Variants in ADAMTSL3 observed in about 807,000 individuals in gnomAD.
The protein encoded by ADAMTSL3 is ADAMTS-like protein 3.
In ADAMTSL3, 128 loss-of-function variants were observed where a neutral mutation model predicts 201.7. The ratio of observed to expected loss-of-function variants is 0.63; its 90% CI spans 0.55 to 0.73. ADAMTSL3 has a LOEUF of 0.73. ADAMTSL3 is among the 30% of genes least tolerant of loss of function. ADAMTSL3 has a pLI of 0.00. For synonymous variants in ADAMTSL3, 738 were observed against 748.4 expected (o/e 0.99, Z 0.23); for missense variants, 1,990 against 2,119.6 (o/e 0.94, Z 1.20).
At chr15:83,997,084 C>G (rs1189561845) in intron 23 of ADAMTSL3, among the ~76,000 whole-genome samples, 1 of 152,120 alleles carries the variant, frequency 6.6e-6, no homozygotes, top group Non-Finnish European at 1.5e-5. Flanking sequence ...CTGATCAAGT[C>G]AAAGATGCTC....
chr15:83,677,217 C>T (rs1361902707), intron 2 of ADAMTSL3, among the ~76,000 whole-genome samples: 1 of 151,674 alleles, frequency 6.6e-6, no homozygotes, highest in African/African-American at 2.4e-5. Context: ...GTGAATGTTC[C>T]ATGGGCACTC....
At chr15:83,844,142 C>A (rs1335702135) in intron 7 of ADAMTSL3, among the ~76,000 whole-genome samples, 1 of 152,176 alleles carries the variant, frequency 6.6e-6, no homozygotes, top group Non-Finnish European at 1.5e-5. Flanking sequence ...CTATTCTAAG[C>A]TTTTTGTCCA....
intron 4 of ADAMTSL3, among the ~76,000 whole-genome samples, chr15:83,778,201 G>T (rs2063112449): frequency 6.6e-6 from 1 of 152,114 alleles, no homozygotes; most frequent in Non-Finnish European, 1.5e-5. Context: ...CATGTTTCAG[G>T]ATATCATCCA....
rs370795084 is a variant in ADAMTSL3 at position 84,031,328 on chromosome 15, G to A, written c.4657-7G>A. 1.2e-5 allele frequency: 19 copies of A among 1,612,638 alleles called. No homozygotes were observed. Among genetic ancestry groups the A allele is most frequent in the Non-Finnish European group, 1.4e-5 (17 of 1,179,594 alleles). ...GATTTACACTGCACTGTGCTTTTTT[G>A]TTCCAGTGTCCTGGACGTTGCATGG... On this transcript the variant is annotated splice_region_variant and splice_polypyrimidine_tract_variant and intron_variant, in intron 27 of 29. Transcript: ENST00000286744.
At chr15:84,019,752 C>T (rs778886271) in intron 25 of ADAMTSL3, among the ~76,000 whole-genome samples, 12 of 151,834 alleles carry the variant, frequency 7.9e-5, no homozygotes, top group Admixed American at 4.6e-4. Flanking sequence ...ATGAGCCCGG[C>T]GCGGTGGTGC....
At chr15:83,935,640 C>A (rs2142017394) in intron 17 of ADAMTSL3, among the ~76,000 whole-genome samples, 1 of 151,966 alleles carries the variant, frequency 6.6e-6, no homozygotes, top group African/African-American at 2.4e-5. Context: ...AGAAAAGATC[C>A]AGGAAAGGAA....
intron 2 of ADAMTSL3, among the ~76,000 whole-genome samples, chr15:83,692,122 C>A (rs2061616757): frequency 6.7e-6 from 1 of 150,164 alleles, no homozygotes; most frequent in Non-Finnish European, 1.5e-5. Context: ...TTTCTTTTAA[C>A]AAAAGATAGT....
At chr15:83,687,531 C>G (rs1192085743) in intron 2 of ADAMTSL3, among the ~76,000 whole-genome samples, 1 of 152,064 alleles carries the variant, frequency 6.6e-6, no homozygotes, top group African/African-American at 2.4e-5. Flanking sequence ...CTATCTTGTT[C>G]CTTCCATCAC....
chr15:83,851,174 A>C (rs983960622), intron 7 of ADAMTSL3, among the ~76,000 whole-genome samples: 1 of 152,222 alleles, frequency 6.6e-6, no homozygotes, highest in African/African-American at 2.4e-5. Flanking sequence ...GACTTCTACA[A>C]ATGTATGAAA....
chr15:83,753,028 A>G (rs1260318219), intron 3 of ADAMTSL3, among the ~76,000 whole-genome samples: 3 of 152,100 alleles, frequency 2.0e-5, no homozygotes, highest in African/African-American at 7.2e-5. Context: ...GTTTTCGTTT[A>G]TCTTCCAGTG....
chr15:83,715,220 G>A (rs2062000720), intron 3 of ADAMTSL3, among the ~76,000 whole-genome samples: 1 of 152,138 alleles, frequency 6.6e-6, no homozygotes, highest in Non-Finnish European at 1.5e-5. Flanking sequence ...TGTCCCTGGG[G>A]TCAGCAGTGA....
chr15:83,943,405 C>T (rs899116031), intron 19 of ADAMTSL3, among the ~76,000 whole-genome samples: 6 of 152,212 alleles, frequency 3.9e-5, no homozygotes, highest in African/African-American at 1.4e-4. Flanking sequence ...TTCCTCTCTT[C>T]CTTGTGTCCT....
intron 3 of ADAMTSL3, among the ~76,000 whole-genome samples, chr15:83,749,172 G>C (rs1273435011): frequency 6.6e-6 from 1 of 152,190 alleles, no homozygotes; most frequent in Non-Finnish European, 1.5e-5. Flanking sequence ...TGTGTCCACA[G>C]GTGTGAGAGA....
At chr15:83,885,826 G>A (rs2065378551) in intron 10 of ADAMTSL3, among the ~76,000 whole-genome samples, 1 of 152,022 alleles carries the variant, frequency 6.6e-6, no homozygotes, top group Admixed American at 6.6e-5. Context: ...CCAGGTTTAA[G>A]CGATTCTCAT....
intron 6 of ADAMTSL3, among the ~76,000 whole-genome samples, chr15:83,822,795 C>T (rs547041770): frequency 8.6e-5 from 13 of 151,660 alleles, no homozygotes; most frequent in South Asian, 2.1e-4. Context: ...GATGGGGTGG[C>T]GGCCGGGCAG....
intron 6 of ADAMTSL3, among the ~76,000 whole-genome samples, chr15:83,824,024 T>C (rs2063960513): frequency 6.7e-6 from 1 of 150,150 alleles, no homozygotes; most frequent in Non-Finnish European, 1.5e-5. Flanking sequence ...TTCTTCTTTC[T>C]TCCTTCTTTC....
chr15:83,674,352 C>T (rs1185207001), intron 2 of ADAMTSL3, among the ~76,000 whole-genome samples: 2 of 151,932 alleles, frequency 1.3e-5, no homozygotes, highest in African/African-American at 4.8e-5. Flanking sequence ...CCAATTGCAC[C>T]ATCGTCATTT....
intron 20 of ADAMTSL3, among the ~76,000 whole-genome samples, chr15:83,975,390 G>T (rs984060000): frequency 6.6e-6 from 1 of 152,044 alleles, no homozygotes; most frequent in Non-Finnish European, 1.5e-5. Flanking sequence ...TCCTCCTCTA[G>T]CTTTGCTAGT....
intron 12 of ADAMTSL3, 133 bp downstream of exon 12, chr15:83,891,512 C>CAA: frequency 1.4e-6 from 1 of 694,058 alleles, no homozygotes. Flanking sequence ...AAACAGACTT[C>CAA]TACTCAATAA....
Sources: gnomAD v4.1 joint callset for allele counts (sites outside exome capture counted in the v4.1 genomes callset) on GRCh38, gnomAD v4.1.1 for gene constraint, MANE v1.5 for transcripts, NCBI Gene and HGNC (gene_info 2026-07-23, HGNC 2026-07-21) for gene names.